The following RYR3 variants were observed in gnomAD, a reference collection of about 807,000 sequenced individuals.
The protein encoded by RYR3 is brain ryanodine receptor-calcium release channel.
A neutral mutation model predicts 584.3 loss-of-function variants in RYR3; 207 were observed. That is an observed-to-expected ratio of 0.35 (90% CI 0.32 to 0.40). RYR3 has a LOEUF of 0.40. RYR3 is among the 10% of genes least tolerant of loss of function. RYR3 has a pLI of 1.00. For synonymous variants in RYR3, 2,416 were observed against 2,248.5 expected (o/e 1.07, Z -2.11); for missense variants, 5,616 against 6,089.2 (o/e 0.92, Z 2.59).
rs764985450 is a variant in RYR3 at position 33,311,078 on chromosome 15, G to A, written c.33G>A (p.Glu11=). The change falls in exon 1 of 104, where the codon GAG becomes GAA. Residue 11 remains glutamate (E), a synonymous_variant. Coordinates refer to ENST00000634891, the MANE Select transcript of RYR3 (RefSeq NM_001036.6). The surrounding 1 kb of genome is among the most constrained non-coding windows in gnomAD (Gnocchi z 4.4). MAEGGEGGED[E]IQFLRTEDEV... is the part of the protein sequence containing the mutation. ...AAGGGGGAGAAGGAGGCGAGGACGA[G>A]ATCCAGTTTCTGAGGACTGTGAGTC... is the stretch of plus-strand genomic sequence containing the variant. 5 of 1,583,166 alleles carry A rather than the reference G, an allele frequency of 3.2e-6. No homozygotes were observed. The highest frequency in any genetic ancestry group is 1.4e-5 in the African/African-American group (1 of 72,218).
At chr15:33,754,755 T>C (rs1319799994) in intron 57 of RYR3, among the ~76,000 whole-genome samples, 1 of 132,802 alleles carries the variant, frequency 7.5e-6, no homozygotes, top group Admixed American at 7.0e-5. Flanking sequence ...CCATCTAATT[T>C]ATATTTTGTT....
At chr15:33,743,260 G>A (rs72715107) in intron 52 of RYR3, among the ~76,000 whole-genome samples, 20,671 of 152,098 alleles carry the variant, frequency 0.14, 1,515 homozygotes, top group South Asian at 0.25. Flanking sequence ...AGTCTACTGG[G>A]AGCTGATGAT....
intron 69 of RYR3, among the ~76,000 whole-genome samples, chr15:33,805,407 T>C (rs1235706086): frequency 2.0e-5 from 3 of 152,102 alleles, no homozygotes; most frequent in Non-Finnish European, 4.4e-5. Context: ...CACTTACACG[T>C]GTGAGTGAAT....
chr15:33,548,764 G>A (rs1280701951), intron 9 of RYR3, among the ~76,000 whole-genome samples: 6 of 152,132 alleles, frequency 3.9e-5, no homozygotes, highest in African/African-American at 7.2e-5. Context: ...TCAGGTGGTC[G>A]GTTAACTTCA....
At chr15:33,688,572 C>CA (rs34312921) in intron 38 of RYR3, among the ~76,000 whole-genome samples, 11,763 of 63,014 alleles carry the variant, frequency 0.19, 853 homozygotes, top group African/African-American at 0.23. Flanking sequence ...GACTCCATCT[C>CA]AAAAAAAAAA....
intron 11 of RYR3, among the ~76,000 whole-genome samples, chr15:33,566,474 G>A (rs7163256): frequency 7.2e-5 from 11 of 152,236 alleles, no homozygotes; most frequent in Admixed American, 4.6e-4. Flanking sequence ...TCATCAAAGC[G>A]CTGTGTCTAA....
chr15:33,771,113 C>T lies in RYR3; in HGVS notation c.8817-807C>T, dbSNP rs955363929. ...CGGCTAGTTGTCTCTTTTCTCTTTC[C>T]TCATCCAACCTAGGACGTTTCCCGC... On this transcript the variant is annotated intron_variant, in intron 62 of 103. Transcript: ENST00000634891. Among the ~76,000 whole-genome samples, 3 of 144,066 alleles carry T rather than the reference C, an allele frequency of 2.1e-5. No individual in the cohort carries two copies. In the South Asian group the frequency reaches 6.2e-4, roughly 30 times the overall value. 94.5% of individuals were successfully genotyped at this position (144,066 alleles called of 152,430 possible). A position where few individuals can be genotyped will look rare whatever the true frequency, so the allele number is the denominator to read the frequency against.
At chr15:33,398,986 C>T (rs1444940321) in intron 1 of RYR3, among the ~76,000 whole-genome samples, 1 of 152,078 alleles carries the variant, frequency 6.6e-6, no homozygotes, top group African/African-American at 2.4e-5. Context: ...GTTTTGTTTC[C>T]TCAAACTGTA....
Position 33,750,226 on chromosome 15 carries a change from A to G in RYR3, c.8339A>G (p.Asp2780Gly). 1 of 1,610,172 alleles carries G rather than the reference A, an allele frequency of 6.2e-7. No homozygotes were observed. The highest frequency in any genetic ancestry group is 1.7e-5 in the Admixed American group (1 of 59,548). The change falls in exon 57 of 104, where the codon GAC becomes GGC. Residue 2780 changes from aspartate to glycine, a missense_variant. Coordinates refer to ENST00000634891, the MANE Select transcript of RYR3 (RefSeq NM_001036.6). The stretch of plus-strand genomic sequence containing the variant: ...TTGACTGCCAAGGAAAAGTTCAAGG[A>G]CCGGGAGAAGGCACAGGACCTGTTT... ...DTLTAKEKFKDREKAQDLFKF... is the reference protein window; with the variant it reads ...DTLTAKEKFKGREKAQDLFKF...
At chr15:33,645,605 T>C (rs1433508464) in intron 28 of RYR3, among the ~76,000 whole-genome samples, 1 of 152,022 alleles carries the variant, frequency 6.6e-6, no homozygotes, top group African/African-American at 2.4e-5. Context: ...AGAATTGAAG[T>C]ATTCTTATAG....
chr15:33,645,818 A>G (rs2062070141), intron 28 of RYR3, among the ~76,000 whole-genome samples: 3 of 151,082 alleles, frequency 2.0e-5, no homozygotes, highest in Admixed American at 2.0e-4. Context: ...ATTTCCTAGT[A>G]TTAGGAGGAG....
chr15:33,518,082 T>G (rs561975226), intron 3 of RYR3, among the ~76,000 whole-genome samples: 1 of 152,232 alleles, frequency 6.6e-6, no homozygotes, highest in Non-Finnish European at 1.5e-5. Context: ...GAGTTTCCAG[T>G]GATTTATATA....
chr15:33,835,425 T>C (rs1236827032), intron 87 of RYR3, among the ~76,000 whole-genome samples: 2 of 152,322 alleles, frequency 1.3e-5, no homozygotes, highest in East Asian at 3.9e-4. Flanking sequence ...ACTTGTCCCA[T>C]GTTGCATGTC....
intron 42 of RYR3, 27 bp downstream of exon 42, chr15:33,701,107 G>A (rs1185921562): frequency 6.5e-7 from 1 of 1,527,960 alleles, no homozygotes; most frequent in Admixed American, 1.7e-5. Context: ...GTGGCAGTGT[G>A]GTGTTCTCTT....
At chr15:33,713,986 A>G (rs1050679516) in intron 43 of RYR3, among the ~76,000 whole-genome samples, 1 of 152,158 alleles carries the variant, frequency 6.6e-6, no homozygotes, top group African/African-American at 2.4e-5. Context: ...GGGGGACACG[A>G]ATATTCAGAC....
At chr15:33,502,708 C>A (rs775211454) in intron 2 of RYR3, among the ~76,000 whole-genome samples, 1 of 152,134 alleles carries the variant, frequency 6.6e-6, no homozygotes, top group Non-Finnish European at 1.5e-5. Context: ...TAATATTTTT[C>A]TTAGTGGCAG....
chr15:33,603,778 G>A (rs1022995538), intron 18 of RYR3, among the ~76,000 whole-genome samples: 1 of 152,160 alleles, frequency 6.6e-6, no homozygotes, highest in African/African-American at 2.4e-5. Context: ...GCATAAAGAT[G>A]GTTCAGTAAT....
chr15:33,765,656 G>A (rs72715142), intron 60 of RYR3, among the ~76,000 whole-genome samples: 3,048 of 89,842 alleles, frequency 0.034, 78 homozygotes, highest in Middle Eastern at 0.075. Flanking sequence ...AAAAAAAAAA[G>A]AAAATAGTCT....
At chr15:33,555,063 A>G (rs979495207) in intron 10 of RYR3, among the ~76,000 whole-genome samples, 3 of 152,224 alleles carry the variant, frequency 2.0e-5, no homozygotes, top group African/African-American at 7.2e-5. Context: ...ACTGTTCCCA[A>G]TTAGAGGAAA....
Sources: gnomAD v4.1 joint callset for allele counts (sites outside exome capture counted in the v4.1 genomes callset) on GRCh38, gnomAD v4.1.1 for gene constraint, Gnocchi (gnomAD v3.1) non-coding constraint, MANE v1.5 for transcripts, NCBI Gene and HGNC (gene_info 2026-07-23, HGNC 2026-07-21) for gene names.